The following DNAH9 variants were observed in gnomAD, a reference collection of about 807,000 sequenced individuals.
DNAH9 encodes the protein dynein axonemal heavy chain 9.
DNAH9 carries 345 observed loss-of-function variants against 471.6 expected under a neutral mutation model. The ratio of observed to expected loss-of-function variants is 0.73; its 90% CI spans 0.67 to 0.80. DNAH9 has a LOEUF of 0.80. Ranked by LOEUF, DNAH9 falls within the 30% of genes least tolerant of loss-of-function variation. The pLI is 0.00. For synonymous variants in DNAH9, 2,093 were observed against 2,123.6 expected (o/e 0.99, Z 0.40); for missense variants, 5,407 against 5,609.2 (o/e 0.96, Z 1.15).
At chr17:11,896,487 G>A (rs1227792673) in intron 59 of DNAH9, among the ~76,000 whole-genome samples, 2 of 152,186 alleles carry the variant, frequency 1.3e-5, no homozygotes, top group Non-Finnish European at 2.9e-5. Flanking sequence ...AAATAATAAA[G>A]TTGTAATTTG....
chr17:11,848,714 G>A (rs1016474172), intron 49 of DNAH9, among the ~76,000 whole-genome samples: 3 of 152,152 alleles, frequency 2.0e-5, no homozygotes, highest in Admixed American at 2.0e-4. Context: ...AGCATTATCT[G>A]TGAGGTAAAT....
Position 11,886,841 on chromosome 17 carries a change from T to C in DNAH9, c.10988T>C (p.Val3663Ala). ...TTCCAACAGGTCCAGGAGGCCAAGG[T>C]GACTGAAGTGAAAATCAACGAGGCC... ...EVEKKVQEAK[V>A]TEVKINEARE... Residue 3663 changes from valine (V) to alanine (A), a missense_variant, in exon 57 of 69, where the codon GTG becomes GCG. This residue lies in a region of DNAH9 where 4,636 missense variants were observed against 4,900.3 expected (regional missense o/e 0.95). Coordinates refer to ENST00000262442, the MANE Select transcript of DNAH9 (RefSeq NM_001372.4). 1 of 1,611,896 alleles carries C rather than the reference T, an allele frequency of 6.2e-7. No individual in the cohort carries two copies. Among genetic ancestry groups the C allele is most frequent in the Non-Finnish European group, 8.5e-7 (1 of 1,178,996 alleles).
chr17:11,688,592 T>A (rs980661769), intron 19 of DNAH9, among the ~76,000 whole-genome samples: 2 of 152,178 alleles, frequency 1.3e-5, no homozygotes, highest in African/African-American at 4.8e-5. Flanking sequence ...GATGACACCA[T>A]CCTGGCAAAT....
intron 45 of DNAH9, among the ~76,000 whole-genome samples, chr17:11,820,956 T>C (rs1039232427): frequency 6.6e-6 from 1 of 152,194 alleles, no homozygotes; most frequent in African/African-American, 2.4e-5. Context: ...AAATCATTGA[T>C]TCAGTTGGCA....
At chr17:11,637,084 T>C (rs1430704314) in intron 9 of DNAH9, among the ~76,000 whole-genome samples, 1 of 152,142 alleles carries the variant, frequency 6.6e-6, no homozygotes, top group Non-Finnish European at 1.5e-5. Context: ...TCAGTGTTGC[T>C]ACACTGACTA....
chr17:11,745,508 C>T (rs1416174341), intron 31 of DNAH9, among the ~76,000 whole-genome samples: 5 of 152,182 alleles, frequency 3.3e-5, no homozygotes, highest in East Asian at 1.9e-4. Flanking sequence ...CTGGAAAACA[C>T]AGCACAGCTC....
intron 59 of DNAH9, among the ~76,000 whole-genome samples, chr17:11,900,448 C>T (rs947639312): frequency 6.6e-6 from 1 of 150,446 alleles, no homozygotes; most frequent in Non-Finnish European, 1.5e-5. Flanking sequence ...TGCTTCCTGT[C>T]AGGCCCCACA....
intron 43 of DNAH9, among the ~76,000 whole-genome samples, chr17:11,804,861 G>A (rs1192155974): frequency 8.7e-5 from 13 of 149,676 alleles, no homozygotes; most frequent in Admixed American, 8.6e-4. Context: ...ACGACAGAGC[G>A]AGACTCTGTC....
Position 11,920,490 on chromosome 17 carries a change from G to A in DNAH9, c.11750-3324G>A, listed in dbSNP as rs8074271. On this transcript the variant is annotated intron_variant, in intron 61 of 68. Coordinates refer to ENST00000262442, the MANE Select transcript of DNAH9 (RefSeq NM_001372.4). Reference sequence around the variant, plus strand: ...ACACAAATTAGCTGGGCATGGTGGCGTGTGCCTGTAGTCTCAGCTACTCGG... The same window carrying A: ...ACACAAATTAGCTGGGCATGGTGGCATGTGCCTGTAGTCTCAGCTACTCGG... 4.6e-5 allele frequency among the ~76,000 whole-genome samples: 7 copies of A among 151,616 alleles called. No individual in the cohort carries two copies. The South Asian group carries it at 6.3e-4, about 14-fold the overall frequency.
At chr17:11,834,179 A>G (rs1434126709) in intron 48 of DNAH9, among the ~76,000 whole-genome samples, 4 of 151,910 alleles carry the variant, frequency 2.6e-5, no homozygotes, top group African/African-American at 9.7e-5. Context: ...AAATACAAAC[A>G]TTAGCTGGGC....
chr17:11,749,074 G>GTTTTTTTTTTGTTTTTTTTTTT (rs1567772305), intron 32 of DNAH9, among the ~76,000 whole-genome samples: 5 of 49,108 alleles, frequency 1.0e-4, no homozygotes, highest in African/African-American at 1.9e-4. Context: ...GTTTTTTTTT[G>GTTTTTTTTTTGTTTTTTTTTTT]TTTTTTTTTT....
intron 26 of DNAH9, among the ~76,000 whole-genome samples, chr17:11,715,889 C>T (rs2074950952): frequency 1.3e-5 from 2 of 151,944 alleles, no homozygotes; most frequent in Non-Finnish European, 2.9e-5. Context: ...GTCTGCTGGC[C>T]CACACTCGCA....
In DNAH9 at chr17:11,743,460, GATT is replaced by G. The variant is rs527723967; in HGVS notation, c.6111+1151_6111+1153del. Among the ~76,000 whole-genome samples, 195 of 152,240 alleles carry G rather than the reference GATT, an allele frequency of 1.3e-3. 1 individual carries two copies. The highest frequency in any genetic ancestry group is 4.5e-3 in the African/African-American group (186 of 41,556). The stretch of plus-strand genomic sequence containing the variant: ...CTGTTCTTTAGCCACTTGCTAGAGT[GATT>G]ATTTAAAAACGCTCCTCACTGGTCC... On this transcript the variant is annotated intron_variant, in intron 30 of 68. Transcript: ENST00000262442.
At chr17:11,712,202 A>G (rs1204988537) in intron 26 of DNAH9, among the ~76,000 whole-genome samples, 5 of 144,310 alleles carry the variant, frequency 3.5e-5, no homozygotes, top group African/African-American at 1.3e-4. Context: ...ATTTAAATTT[A>G]TATAATTTTA....
At chr17:11,798,783 C>A (rs888168764) in intron 43 of DNAH9, among the ~76,000 whole-genome samples, 10 of 152,120 alleles carry the variant, frequency 6.6e-5, no homozygotes, top group Non-Finnish European at 8.8e-5. Flanking sequence ...CTGACTGACC[C>A]CTGAGTGGAG....
At chr17:11,756,280 A>C (rs1198223996) in intron 33 of DNAH9, among the ~76,000 whole-genome samples, 3 of 151,634 alleles carry the variant, frequency 2.0e-5, no homozygotes, top group Admixed American at 6.6e-5. Flanking sequence ...CTGTCAAAAA[A>C]AAAAAAAAAA....
At chr17:11,681,389 C>T (rs1328379505) in intron 19 of DNAH9, among the ~76,000 whole-genome samples, 3 of 152,146 alleles carry the variant, frequency 2.0e-5, no homozygotes, top group Non-Finnish European at 4.4e-5. Flanking sequence ...TTTACATAAA[C>T]AAAGCAACTC....
intron 49 of DNAH9, among the ~76,000 whole-genome samples, chr17:11,848,537 AATT>A (rs1473368912): frequency 4.6e-5 from 7 of 151,706 alleles, no homozygotes; most frequent in Non-Finnish European, 7.4e-5. Flanking sequence ...TAAATTGAAT[AATT>A]ATTGAATAAA....
chr17:11,958,764 G>A (rs1040665751), intron 67 of DNAH9, among the ~76,000 whole-genome samples: 1 of 151,916 alleles, frequency 6.6e-6, no homozygotes, highest in Admixed American at 6.6e-5. Context: ...TTAAGAAAAG[G>A]CATAGAGAAA....
Sources: gnomAD v4.1 joint callset for allele counts (sites outside exome capture counted in the v4.1 genomes callset) on GRCh38, gnomAD v4.1.1 for gene constraint, gnomAD v4.1.1 regional missense constraint, MANE v1.5 for transcripts, NCBI Gene and HGNC (gene_info 2026-07-23, HGNC 2026-07-21) for gene names.